The following SLC10A7 variants were observed in gnomAD, a reference collection of about 807,000 sequenced individuals.
SLC10A7 encodes the protein sodium/bile acid cotransporter 7.
In SLC10A7, 29 loss-of-function variants were observed where a neutral mutation model predicts 43.2. The observed-to-expected ratio is 0.67, with a 90% CI of 0.50 to 0.92. The LOEUF is 0.92. Ranked by LOEUF, SLC10A7 falls within the 40% of genes least tolerant of loss-of-function variation. SLC10A7 has a pLI of 0.00. For missense variants in SLC10A7, 295 were observed against 403.2 expected, an observed-to-expected ratio of 0.73 and a Z score of 2.30; for synonymous variants, 152 against 144.8, an observed-to-expected ratio of 1.05 and a Z score of -0.35.
chr4:146,477,528 G>T (rs1734132767), intron 4 of SLC10A7, among the ~76,000 whole-genome samples: 1 of 152,178 alleles, frequency 6.6e-6, no homozygotes, highest in Non-Finnish European at 1.5e-5. Flanking sequence ...AATAGCAAAT[G>T]CATTTGTATT....
chr4:146,432,643 G>T (rs1488642007), intron 5 of SLC10A7, among the ~76,000 whole-genome samples: 1 of 152,164 alleles, frequency 6.6e-6, no homozygotes, highest in East Asian at 1.9e-4. Flanking sequence ...TCCAGGTGAT[G>T]GGAATATTAT....
chr4:146,410,710 A>T (rs1455046853), intron 5 of SLC10A7, among the ~76,000 whole-genome samples: 1 of 152,198 alleles, frequency 6.6e-6, no homozygotes, highest in Admixed American at 6.5e-5. Flanking sequence ...CAAAAGAAAA[A>T]TATTTTAAAC....
intron 4 of SLC10A7, among the ~76,000 whole-genome samples, chr4:146,452,988 T>C (rs1579226362): frequency 6.6e-6 from 1 of 151,132 alleles, no homozygotes; most frequent in Admixed American, 6.6e-5. Context: ...GAAGTATGTA[T>C]ACTATATACA....
At chr4:146,384,479 T>C (rs933801403) in intron 5 of SLC10A7, among the ~76,000 whole-genome samples, 1 of 152,102 alleles carries the variant, frequency 6.6e-6, no homozygotes, top group Non-Finnish European at 1.5e-5. Flanking sequence ...TTCTTTGTAT[T>C]CTTTGTGCCT....
At chr4:146,513,435 A>C (rs1737663592) in intron 2 of SLC10A7, among the ~76,000 whole-genome samples, 1 of 152,178 alleles carries the variant, frequency 6.6e-6, no homozygotes, top group Non-Finnish European at 1.5e-5. Context: ...AGGACTAAAA[A>C]ATTGATGTTA....
At chr4:146,419,916 C>T (rs1410502469) in intron 5 of SLC10A7, among the ~76,000 whole-genome samples, 3 of 152,108 alleles carry the variant, frequency 2.0e-5, no homozygotes, top group African/African-American at 7.2e-5. Context: ...TCTCTAAGTA[C>T]TGTCAGAGGA....
At chr4:146,433,861 A>C (rs1729984258) in intron 5 of SLC10A7, among the ~76,000 whole-genome samples, 1 of 152,162 alleles carries the variant, frequency 6.6e-6, no homozygotes, top group Admixed American at 6.5e-5. Context: ...CAAAAAAATA[A>C]AGATGATAAA....
chr4:146,412,304 T>C (rs1728252301), intron 5 of SLC10A7, among the ~76,000 whole-genome samples: 1 of 152,194 alleles, frequency 6.6e-6, no homozygotes, highest in South Asian at 2.1e-4. Context: ...CTTTATAGCA[T>C]ACACCTCCCT....
At chr4:146,391,537 G>T (rs910506603) in intron 5 of SLC10A7, among the ~76,000 whole-genome samples, 1 of 152,176 alleles carries the variant, frequency 6.6e-6, no homozygotes, top group Non-Finnish European at 1.5e-5. Context: ...TTTAAAATCT[G>T]CTCAAATATT....
intron 1 of SLC10A7, among the ~76,000 whole-genome samples, chr4:146,519,736 A>G (rs968396587): frequency 2.0e-5 from 3 of 152,292 alleles, no homozygotes; most frequent in Middle Eastern, 3.4e-3. Context: ...CTGGTCTCCA[A>G]TAGTTCCTCT....
intron 5 of SLC10A7, among the ~76,000 whole-genome samples, chr4:146,401,004 T>TA (rs1429676526): frequency 1.3e-5 from 2 of 151,868 alleles, no homozygotes; most frequent in Non-Finnish European, 1.5e-5. Flanking sequence ...AGTAACAAAG[T>TA]AAAAAATGAA....
At chr4:146,265,365 C>A (rs952842036) in intron 10 of SLC10A7, among the ~76,000 whole-genome samples, 2 of 152,196 alleles carry the variant, frequency 1.3e-5, no homozygotes, top group African/African-American at 4.8e-5. Context: ...TCAGGGCTGG[C>A]ACTTTTTAAT....
Position 146,292,997 on chromosome 4 carries a change from T to C in SLC10A7, c.722-17A>G. On this transcript the variant is annotated splice_polypyrimidine_tract_variant and intron_variant, in intron 8 of 11. Transcript: ENST00000335472. ...TAGAAAATACTGAAGAAAAAAAGATTGAATCTAAATTAGCACTCTAAAAGC... is the reference window on the plus strand; with the variant it reads ...TAGAAAATACTGAAGAAAAAAAGATCGAATCTAAATTAGCACTCTAAAAGC... The C allele has an allele frequency of 6.6e-7, 1 of 1,513,818 alleles. No individual in the cohort carries two copies. The allele number at this position is 1,513,818 out of a possible 1,614,324, so 93.8% of individuals were successfully genotyped here.
chr4:146,397,038 T>C (rs150928059), intron 5 of SLC10A7, among the ~76,000 whole-genome samples: 4 of 152,308 alleles, frequency 2.6e-5, no homozygotes, highest in African/African-American at 9.6e-5. Context: ...ATTTGATTTC[T>C]TTTCTAAAAC....
At chr4:146,293,051 T>C (rs1730549269) in intron 8 of SLC10A7, 71 bp from the exon 9 acceptor site, 11 of 933,906 alleles carry the variant, frequency 1.2e-5, no homozygotes, top group Non-Finnish European at 1.8e-5. Context: ...ATTGGTATAC[T>C]TGTTTTATCT....
chr4:146,473,170 C>T (rs1266925580), intron 4 of SLC10A7, among the ~76,000 whole-genome samples: 3 of 152,192 alleles, frequency 2.0e-5, no homozygotes, highest in African/African-American at 7.2e-5. Flanking sequence ...AACCTTTGTG[C>T]ATGCTGATTC....
intron 6 of SLC10A7, among the ~76,000 whole-genome samples, chr4:146,325,273 C>T (rs1733022896): frequency 2.6e-5 from 4 of 152,196 alleles, no homozygotes; most frequent in Admixed American, 2.6e-4. Flanking sequence ...TTCATGATTA[C>T]ATATGCCTTG....
At chr4:146,428,072 G>C (rs1233538012) in intron 5 of SLC10A7, among the ~76,000 whole-genome samples, 1 of 152,054 alleles carries the variant, frequency 6.6e-6, no homozygotes, top group Non-Finnish European at 1.5e-5. Context: ...AGCTACTTGA[G>C]AGGCTGAGGT....
intron 5 of SLC10A7, among the ~76,000 whole-genome samples, chr4:146,377,346 T>C (rs1737279048): frequency 6.6e-6 from 1 of 152,230 alleles, no homozygotes; most frequent in Non-Finnish European, 1.5e-5. Context: ...GCTGTCACCC[T>C]GACTCTCCAT....
Sources: gnomAD v4.1 joint callset for allele counts (sites outside exome capture counted in the v4.1 genomes callset) on GRCh38, gnomAD v4.1.1 for gene constraint, MANE v1.5 for transcripts, NCBI Gene and HGNC (gene_info 2026-07-23, HGNC 2026-07-21) for gene names.